The following LCP1 variants were observed in gnomAD, a reference collection of about 807,000 sequenced individuals.
LCP1 encodes plastin-2.
LCP1 carries 23 observed loss-of-function variants against 72.0 expected under a neutral mutation model. That is an observed-to-expected ratio of 0.32 (90% CI 0.23 to 0.45). The LOEUF is 0.45. LCP1 is among the 20% of genes least tolerant of loss of function. The pLI is 1.00. For missense variants in LCP1, 571 were observed against 748.3 expected, an observed-to-expected ratio of 0.76 and a Z score of 2.76; for synonymous variants, 245 against 275.4, an observed-to-expected ratio of 0.89 and a Z score of 1.09.
chr13:46,156,554 G>C lies in LCP1; in HGVS notation c.375C>G (p.Ala125=). ...GGGCTTTGTTTATCCAGTTGACAAA[G>C]GCATACTTTTCTTCCTCTGCAAGTA... ...QHSYSEEEKY[A]FVNWINKALE... Residue 125 remains alanine, a synonymous_variant, in exon 5 of 16, where the codon GCC becomes GCG. Transcript: ENST00000323076. 1 of 1,614,050 alleles carries C rather than the reference G, an allele frequency of 6.2e-7. No homozygotes were observed. The highest frequency in any genetic ancestry group is 8.5e-7 in the Non-Finnish European group (1 of 1,180,004).
intron 14 of LCP1, among the ~76,000 whole-genome samples, chr13:46,133,382 T>C (rs2045644858): frequency 6.6e-6 from 1 of 152,134 alleles, no homozygotes; most frequent in Admixed American, 6.5e-5. Context: ...CCAAAGCACT[T>C]TGGGAGGCTG....
chr13:46,179,844 C>T (rs1230987570), intron 1 of LCP1, among the ~76,000 whole-genome samples: 1 of 152,004 alleles, frequency 6.6e-6, no homozygotes, highest in East Asian at 1.9e-4. Context: ...TAAAGGCACA[C>T]AATTCTTTAG....
At chr13:46,129,007 G>A (rs7324845) in intron 15 of LCP1, among the ~76,000 whole-genome samples, 127,880 of 152,112 alleles carry the variant, frequency 0.84, 54,540 homozygotes, top group South Asian at 0.96. Context: ...AGGCATGAGT[G>A]GTCCCATTTT....
chr13:46,138,425 G>T (rs760697568), intron 13 of LCP1, among the ~76,000 whole-genome samples: 31 of 148,950 alleles, frequency 2.1e-4, no homozygotes, highest in Non-Finnish European at 3.7e-4. Context: ...ATATTTTTCT[G>T]TCTACTTTCT....
chr13:46,165,084 G>A (rs755327164), intron 1 of LCP1, among the ~76,000 whole-genome samples: 3 of 152,182 alleles, frequency 2.0e-5, no homozygotes, highest in Non-Finnish European at 4.4e-5. Flanking sequence ...TTTTAAGAAA[G>A]ACATTGAGCC....
chr13:46,181,724 C>A (rs914651520), intron 1 of LCP1, among the ~76,000 whole-genome samples: 1 of 152,282 alleles, frequency 6.6e-6, no homozygotes, highest in African/African-American at 2.4e-5. Context: ...GCCATACAAT[C>A]TAAATTATCA....
At chr13:46,143,169 G>A (rs2045708444) in intron 12 of LCP1, 121 bp downstream of exon 12, 1 of 637,414 alleles carries the variant, frequency 1.6e-6, no homozygotes, top group Non-Finnish European at 2.8e-6. Context: ...TGCTGTACTA[G>A]AATTTAATTT....
chr13:46,154,763 G>A (rs748449485), intron 6 of LCP1, 42 bp downstream of exon 6: 22 of 1,532,912 alleles, frequency 1.4e-5, no homozygotes, highest in Middle Eastern at 1.7e-4. Flanking sequence ...GCTCATTGAT[G>A]CCAAACAAAT....
At chr13:46,147,948 A>G (rs950912608) in intron 9 of LCP1, among the ~76,000 whole-genome samples, 1 of 152,212 alleles carries the variant, frequency 6.6e-6, no homozygotes, top group African/African-American at 2.4e-5. Context: ...GTTGACTTCA[A>G]CATGAACTCA....
chr13:46,128,373 T>C (rs532983058), intron 15 of LCP1, among the ~76,000 whole-genome samples: 103 of 152,170 alleles, frequency 6.8e-4, no homozygotes, highest in Middle Eastern at 3.4e-3. Flanking sequence ...CCGAGGCGGG[T>C]GGATCACAAG....
intron 10 of LCP1, among the ~76,000 whole-genome samples, chr13:46,144,842 CAG>C (rs2045720568): frequency 1.3e-5 from 2 of 152,028 alleles, no homozygotes; most frequent in Non-Finnish European, 2.9e-5. Flanking sequence ...ATACAAGCTA[CAG>C]AACTCACTTA....
intron 15 of LCP1, among the ~76,000 whole-genome samples, chr13:46,129,747 G>C (rs963706334): frequency 1.4e-4 from 22 of 152,112 alleles, no homozygotes; most frequent in Non-Finnish European, 1.5e-4. Context: ...TGTGGTATGA[G>C]CTGAATTGTG....
intron 10 of LCP1, among the ~76,000 whole-genome samples, chr13:46,144,961 T>C (rs2045721032): frequency 6.6e-6 from 1 of 152,164 alleles, no homozygotes; most frequent in Non-Finnish European, 1.5e-5. Flanking sequence ...TAGCAAAATC[T>C]GGATCAGAAA....
intron 13 of LCP1, among the ~76,000 whole-genome samples, chr13:46,135,445 C>T (rs1443346388): frequency 1.3e-5 from 2 of 152,210 alleles, no homozygotes; most frequent in African/African-American, 2.4e-5. Context: ...CGGGTATCTT[C>T]CTCTAGTTCC....
intron 1 of LCP1, among the ~76,000 whole-genome samples, chr13:46,175,331 A>C (rs2045924137): frequency 6.6e-6 from 1 of 152,220 alleles, no homozygotes. Flanking sequence ...TAGCGAGTAG[A>C]TAGCACTTGC....
intron 13 of LCP1, among the ~76,000 whole-genome samples, chr13:46,138,910 G>C (rs908893000): frequency 6.6e-6 from 1 of 152,116 alleles, no homozygotes; most frequent in Non-Finnish European, 1.5e-5. Flanking sequence ...GCCTCCCAAA[G>C]TACTGGGATT....
intron 1 of LCP1, among the ~76,000 whole-genome samples, chr13:46,164,544 T>A (rs2138272041): frequency 6.6e-6 from 1 of 152,298 alleles, no homozygotes; most frequent in East Asian, 1.9e-4. Context: ...CCTTTAAATT[T>A]AAAAAATCCA....
At chr13:46,144,298 C>T (rs2045716560) in intron 11 of LCP1, 144 bp downstream of exon 11, 2 of 625,866 alleles carry the variant, frequency 3.2e-6, no homozygotes, top group South Asian at 4.0e-5. Flanking sequence ...TATCCAACAT[C>T]TGAAGCTCAA....
intron 1 of LCP1, among the ~76,000 whole-genome samples, chr13:46,164,559 G>T (rs1373281996): frequency 6.6e-6 from 1 of 152,158 alleles, no homozygotes; most frequent in African/African-American, 2.4e-5. Context: ...AATCCAAAAT[G>T]CTTCAGTGAT....
Sources: allele counts gnomAD v4.1 joint callset (sites outside exome capture counted in the v4.1 genomes callset), GRCh38; gene constraint gnomAD v4.1.1; transcripts MANE v1.5; gene names NCBI Gene and HGNC (gene_info 2026-07-23, HGNC 2026-07-21).